LNP1: variants seen among roughly 807,000 people sequenced by gnomAD.
LNP1 encodes the protein leukemia NUP98 fusion partner 1.
A neutral mutation model predicts 14.5 loss-of-function variants in LNP1; 12 were observed. That is an observed-to-expected ratio of 0.83 (90% confidence interval 0.53 to 1.34). LNP1 has a LOEUF of 1.34. Ranked by LOEUF, LNP1 falls within the 40% of genes most tolerant of loss-of-function variation. The pLI, the probability that LNP1 is intolerant of heterozygous loss-of-function variation, is 0.00. For synonymous variants in LNP1, 75 were observed against 71.4 expected (o/e 1.05, Z -0.26); for missense variants, 198 against 210.9 (o/e 0.94, Z 0.38).
At chr3:100,418,050 T>C (rs1299157875) in intron 1 of LNP1, among the ~76,000 whole-genome samples, 3 of 150,856 alleles carry the variant, frequency 2.0e-5, no homozygotes, top group Non-Finnish European at 4.4e-5. Context: ...TTCTTTCATT[T>C]CTCATACCAT....
intron 2 of LNP1, among the ~76,000 whole-genome samples, chr3:100,444,642 CA>C (rs1259276512): frequency 2.0e-5 from 3 of 152,156 alleles, no homozygotes; most frequent in Non-Finnish European, 2.9e-5. Flanking sequence ...GATCACAGGT[CA>C]TTGTGAAATA....
At chr3:100,443,035 C>T (rs1274432207) in intron 2 of LNP1, among the ~76,000 whole-genome samples, 2 of 152,184 alleles carry the variant, frequency 1.3e-5, no homozygotes, top group Non-Finnish European at 2.9e-5. Flanking sequence ...GTCCATACAT[C>T]AGTAGGCAGG....
chr3:100,452,838 A>G (rs1707473074), intron 3 of LNP1, among the ~76,000 whole-genome samples: 1 of 152,242 alleles, frequency 6.6e-6, no homozygotes, highest in Non-Finnish European at 1.5e-5. Flanking sequence ...CTTGATACAT[A>G]AAGTAATAAA....
chr3:100,434,287 T>C (rs1271056700), intron 2 of LNP1, among the ~76,000 whole-genome samples: 1 of 152,214 alleles, frequency 6.6e-6, no homozygotes, highest in Non-Finnish European at 1.5e-5. Flanking sequence ...TGCATATGGC[T>C]GGCCAATTTT....
At chr3:100,446,086 T>C (rs1371747389) in intron 2 of LNP1, among the ~76,000 whole-genome samples, 2 of 152,100 alleles carry the variant, frequency 1.3e-5, no homozygotes, top group Admixed American at 1.3e-4. Flanking sequence ...CTTCACAGAA[T>C]TGGAAAAAAC....
chr3:100,446,351 A>G (rs1707386522), intron 2 of LNP1, among the ~76,000 whole-genome samples: 1 of 152,266 alleles, frequency 6.6e-6, no homozygotes, highest in South Asian at 2.1e-4. Flanking sequence ...AAATGGAGAA[A>G]GGATTCCCTA....
At chr3:100,440,174 C>T (rs899973595) in intron 2 of LNP1, among the ~76,000 whole-genome samples, 2 of 152,106 alleles carry the variant, frequency 1.3e-5, no homozygotes, top group Admixed American at 6.5e-5. Context: ...TGTAAAACAC[C>T]GGTCAGATTG....
At chr3:100,404,292 A>G (rs1179215204) in intron 1 of LNP1, among the ~76,000 whole-genome samples, 1 of 152,204 alleles carries the variant, frequency 6.6e-6, no homozygotes, top group East Asian at 1.9e-4. Flanking sequence ...TCAGGAGAAT[A>G]GAGTCTTCTG....
Position 100,453,398 on chromosome 3 carries a change from T to C in LNP1, c.387+1449T>C, listed in dbSNP as rs114538851. ...GAATTTGAGACCAGCCTGGGCAACA[T>C]AGTGAAATCCTGTCTCTACGAAAAT... is the stretch of plus-strand genomic sequence containing the variant. On this transcript the variant is annotated intron_variant, in intron 3 of 3. Coordinates refer to ENST00000383693, the MANE Select transcript of LNP1 (RefSeq NM_001085451.2). Among the ~76,000 whole-genome samples the C allele has an allele frequency of 3.1e-3, 462 of 148,456 alleles. 3 individuals are homozygous for C. Among genetic ancestry groups the C allele is most frequent in the Non-Finnish European group, 5.5e-3 (367 of 67,246 alleles).
Position 100,455,970 on chromosome 3 carries a change from T to G in LNP1, c.*44T>G, listed in dbSNP as rs1707507335. ...TGACATCAGATGCTACTGTTTTGGT[T>G]TTTTTCTTTGAGCCCCAATTCACCA... On this transcript the variant is annotated 3_prime_UTR_variant, in exon 4 of 4. Coordinates refer to ENST00000383693, the MANE Select transcript of LNP1 (RefSeq NM_001085451.2). 6.4e-7 allele frequency: 1 copy of G among 1,565,840 alleles called. No individual in the cohort carries two copies. Among genetic ancestry groups the G allele is most frequent in the African/African-American group, 1.4e-5 (1 of 72,518 alleles).
intron 1 of LNP1, among the ~76,000 whole-genome samples, chr3:100,416,407 C>G (rs1209960194): frequency 6.6e-6 from 1 of 151,994 alleles, no homozygotes; most frequent in Non-Finnish European, 1.5e-5. Context: ...TCAGGAAGCC[C>G]TGTTTTGTTT....
At chr3:100,402,650 T>G (rs1706923167) in intron 1 of LNP1, among the ~76,000 whole-genome samples, 1 of 152,228 alleles carries the variant, frequency 6.6e-6, no homozygotes, top group Admixed American at 6.5e-5. Context: ...AGGATTTTTT[T>G]TTTTTTCTGA....
At chr3:100,429,273 C>T (rs911138062) in intron 1 of LNP1, among the ~76,000 whole-genome samples, 3 of 152,142 alleles carry the variant, frequency 2.0e-5, no homozygotes, top group Non-Finnish European at 4.4e-5. Flanking sequence ...CAGTCTGTTC[C>T]TTGTATGTGG....
intron 2 of LNP1, among the ~76,000 whole-genome samples, chr3:100,436,938 G>A (rs866782884): frequency 1.3e-5 from 2 of 152,180 alleles, no homozygotes; most frequent in African/African-American, 4.8e-5. Context: ...AAGCAGTCAT[G>A]TGAGGTTGCA....
chr3:100,420,339 G>A (rs987484796), intron 1 of LNP1, among the ~76,000 whole-genome samples: 3 of 151,846 alleles, frequency 2.0e-5, no homozygotes, highest in Admixed American at 2.0e-4. Flanking sequence ...TTGAGATGGT[G>A]TCTTTACTGT....
At chr3:100,405,549 CTG>C (rs1706957433) in intron 1 of LNP1, among the ~76,000 whole-genome samples, 1 of 152,166 alleles carries the variant, frequency 6.6e-6, no homozygotes, top group South Asian at 2.1e-4. Context: ...GGGTTGAGGA[CTG>C]CAAATTTGGT....
chr3:100,454,985 G>A (rs890990834), intron 3 of LNP1, among the ~76,000 whole-genome samples: 1 of 152,086 alleles, frequency 6.6e-6, no homozygotes, highest in Non-Finnish European at 1.5e-5. Flanking sequence ...AAATAGATAC[G>A]GTGGCCACAT....
At chr3:100,418,424 G>T (rs1375037573) in intron 1 of LNP1, among the ~76,000 whole-genome samples, 1 of 151,372 alleles carries the variant, frequency 6.6e-6, no homozygotes, top group Non-Finnish European at 1.5e-5. Context: ...GATCTGTTTT[G>T]TAGGTACTTT....
chr3:100,436,845 G>T (rs1019109249), intron 2 of LNP1, among the ~76,000 whole-genome samples: 1 of 152,126 alleles, frequency 6.6e-6, no homozygotes, highest in South Asian at 2.1e-4. Context: ...TGGGGTCCTG[G>T]CCTAATGGGA....
Sources: allele counts gnomAD v4.1 joint callset (sites outside exome capture counted in the v4.1 genomes callset), GRCh38; gene constraint gnomAD v4.1.1; transcripts MANE v1.5; gene names NCBI Gene and HGNC (gene_info 2026-07-23, HGNC 2026-07-21).